The following CDH4 variants were observed in gnomAD, a reference collection of about 807,000 sequenced individuals.
The protein encoded by CDH4 is cadherin 4.
A neutral mutation model predicts 86.0 loss-of-function variants in CDH4; 33 were observed. The ratio of observed to expected loss-of-function variants is 0.38; its 90% CI spans 0.29 to 0.51. CDH4 has a LOEUF of 0.51. CDH4 is among the 20% of genes least tolerant of loss of function. The pLI, the probability that CDH4 is intolerant of heterozygous loss-of-function variation, is 0.86. For synonymous variants in CDH4, 555 were observed against 549.4 expected, an observed-to-expected ratio of 1.01 and a Z score of -0.14; for missense variants, 1,114 against 1,307.4, an observed-to-expected ratio of 0.85 and a Z score of 2.28.
intron 5 of CDH4, among the ~76,000 whole-genome samples, chr20:61,851,184 G>A (rs1028932086): frequency 2.0e-5 from 3 of 152,208 alleles, no homozygotes; most frequent in African/African-American, 4.8e-5. Flanking sequence ...CTGACCTGGC[G>A]TGCGTGCAGC....
chr20:61,387,804 C>T (rs981963523), intron 2 of CDH4, among the ~76,000 whole-genome samples: 1 of 152,166 alleles, frequency 6.6e-6, no homozygotes, highest in Admixed American at 6.5e-5. Flanking sequence ...CCAGACAAGC[C>T]CGCACCGGCC....
rs1346309086 is a variant in CDH4, at chr20:61,703,193, A to G, written c.170-40370A>G. Among the ~76,000 whole-genome samples, 1 of 152,184 alleles carries G rather than the reference A, an allele frequency of 6.6e-6. No individual in the cohort carries two copies. The highest frequency in any genetic ancestry group is 1.5e-5 in the Non-Finnish European group (1 of 68,038). ...GGGCTCTTGGACGAGCTCAGAACAC[A>G]CAGGCCTTGGGTTGTTTGTCTTTTC... On this transcript the variant is annotated intron_variant, in intron 2 of 15. Coordinates refer to ENST00000614565, the MANE Select transcript of CDH4 (RefSeq NM_001794.5). This position sits in a 1 kb window ranked among gnomAD's most constrained non-coding sequence, Gnocchi z 4.3.
chr20:61,780,492 A>G (rs2145997373), intron 4 of CDH4, among the ~76,000 whole-genome samples: 1 of 152,294 alleles, frequency 6.6e-6, no homozygotes, highest in African/African-American at 2.4e-5. Flanking sequence ...ATGTCGTTAA[A>G]CACTCATTAA....
intron 2 of CDH4, among the ~76,000 whole-genome samples, chr20:61,288,677 C>T (rs1016172600): frequency 6.6e-6 from 1 of 152,244 alleles, no homozygotes; most frequent in African/African-American, 2.4e-5. Flanking sequence ...GTCAGAAGCA[C>T]AACTTTGCTG....
At chr20:61,683,890 A>G (rs1009223079) in intron 2 of CDH4, among the ~76,000 whole-genome samples, 12 of 152,190 alleles carry the variant, frequency 7.9e-5, no homozygotes, top group African/African-American at 2.9e-4. Context: ...GGCACTTCAC[A>G]GTAGAGAGCA....
chr20:61,761,513 A>G (rs1419795251), intron 3 of CDH4, among the ~76,000 whole-genome samples: 2 of 152,162 alleles, frequency 1.3e-5, no homozygotes, highest in Non-Finnish European at 2.9e-5. Context: ...GGTCAGCCAC[A>G]TATTTACCCA....
At chr20:61,805,910 T>C (rs1234839917) in intron 4 of CDH4, among the ~76,000 whole-genome samples, 1 of 152,198 alleles carries the variant, frequency 6.6e-6, no homozygotes, top group East Asian at 1.9e-4. Context: ...TGTAGGTATA[T>C]GCTCAGGAGA....
At chr20:61,769,808 T>C (rs6061817) in intron 3 of CDH4, among the ~76,000 whole-genome samples, 3,088 of 152,334 alleles carry the variant, frequency 0.02, 89 homozygotes, top group African/African-American at 0.069. Flanking sequence ...GTTGGCGTTA[T>C]TTCAAGCCAC....
chr20:61,840,724 G>T (rs537150480), intron 4 of CDH4, among the ~76,000 whole-genome samples: 1 of 152,342 alleles, frequency 6.6e-6, no homozygotes, highest in South Asian at 2.1e-4. Flanking sequence ...CACAAATCAA[G>T]TGGAAAACTG....
At chr20:61,358,364 C>A (rs745407669) in intron 2 of CDH4, among the ~76,000 whole-genome samples, 1 of 152,222 alleles carries the variant, frequency 6.6e-6, no homozygotes, top group African/African-American at 2.4e-5. Context: ...TGCCCGCAGG[C>A]CTGACACTGA....
At chr20:61,422,926 G>GA (rs1289147533) in intron 2 of CDH4, among the ~76,000 whole-genome samples, 4 of 152,182 alleles carry the variant, frequency 2.6e-5, no homozygotes, top group African/African-American at 4.8e-5. Flanking sequence ...TTCCATCTGG[G>GA]AAAAAACCCA....
intron 2 of CDH4, among the ~76,000 whole-genome samples, chr20:61,556,922 G>A (rs1443416714): frequency 6.6e-6 from 1 of 151,874 alleles, no homozygotes; most frequent in African/African-American, 2.4e-5. Flanking sequence ...GCTGATCCCC[G>A]CCTCAGTTTG....
chr20:61,690,364 G>A (rs1337577245), intron 2 of CDH4, among the ~76,000 whole-genome samples: 1 of 152,190 alleles, frequency 6.6e-6, no homozygotes, highest in African/African-American at 2.4e-5. Context: ...TGATCAGCAT[G>A]TGTTAGTAAG....
intron 13 of CDH4, among the ~76,000 whole-genome samples, chr20:61,930,755 C>T (rs961955824): frequency 5.9e-5 from 9 of 152,220 alleles, no homozygotes; most frequent in East Asian, 1.9e-4. Context: ...TTTTGAAAGC[C>T]GTTCAGTGTC....
chr20:61,281,970 A>G (rs1291161621), intron 2 of CDH4, among the ~76,000 whole-genome samples: 2 of 152,224 alleles, frequency 1.3e-5, no homozygotes, highest in African/African-American at 4.8e-5. Context: ...GAACAGCAGC[A>G]CACTGGGGGT....
At chr20:61,275,752 C>T (rs1230664524) in intron 2 of CDH4, among the ~76,000 whole-genome samples, 3 of 151,674 alleles carry the variant, frequency 2.0e-5, no homozygotes, top group Non-Finnish European at 4.4e-5. Flanking sequence ...GTGTGCAGTT[C>T]GGGACACCTG....
intron 2 of CDH4, among the ~76,000 whole-genome samples, chr20:61,323,923 CA>C (rs1295025739): frequency 6.6e-6 from 1 of 152,140 alleles, no homozygotes; most frequent in Non-Finnish European, 1.5e-5. Context: ...GTGACTTACC[CA>C]GAGACAAGGC....
At chr20:61,929,878 T>TCATACCCACAATGCCCC in intron 13 of CDH4, 36 bp downstream of exon 13, 1 of 1,553,582 alleles carries the variant, frequency 6.4e-7, no homozygotes, top group Non-Finnish European at 8.9e-7. Context: ...GGCAGGGGCA[T>TCATACCCACAATGCCCC]TGTGGGTATG....
intron 2 of CDH4, among the ~76,000 whole-genome samples, chr20:61,628,222 C>T (rs184622842): frequency 1.3e-5 from 2 of 152,274 alleles, no homozygotes; most frequent in African/African-American, 2.4e-5. Flanking sequence ...GCTGCTGCGT[C>T]GGCCTGAAAA....
Sources: allele counts gnomAD v4.1 joint callset (sites outside exome capture counted in the v4.1 genomes callset), GRCh38; gene constraint gnomAD v4.1.1; non-coding constraint Gnocchi (gnomAD v3.1); transcripts MANE v1.5; gene names NCBI Gene and HGNC (gene_info 2026-07-23, HGNC 2026-07-21).